LPCAT3: variants seen among roughly 807,000 people sequenced by gnomAD.
LPCAT3 encodes lysophosphatidylcholine acyltransferase 3, also known as lysophospholipid acyltransferase 5.
A neutral mutation model predicts 63.4 loss-of-function variants in LPCAT3; 21 were observed. The ratio of observed to expected loss-of-function variants is 0.33; its 90% confidence interval spans 0.23 to 0.48. The LOEUF (loss-of-function observed/expected upper bound fraction) is 0.48. Among genes scored for constraint, LPCAT3 ranks in the 20% least tolerant of loss-of-function variants. LPCAT3 has a pLI of 0.99. For missense variants in LPCAT3, 451 were observed against 590.6 expected, an observed-to-expected ratio of 0.76 and a Z score of 2.45; for synonymous variants, 242 against 227.5, an observed-to-expected ratio of 1.06 and a Z score of -0.58.
intron 1 of LPCAT3, among the ~76,000 whole-genome samples, chr12:6,996,142 C>CA (rs146656674): frequency 0.044 from 6,678 of 152,284 alleles, 215 homozygotes; most frequent in Non-Finnish European, 0.065. Context: ...ACTCATCTCT[C>CA]AATCTGGCCT....
At chr12:7,004,904 G>A (rs2138356253) in intron 1 of LPCAT3, among the ~76,000 whole-genome samples, 1 of 152,166 alleles carries the variant, frequency 6.6e-6, no homozygotes, top group East Asian at 1.9e-4. Flanking sequence ...ATCCCTACTT[G>A]AGCACAAAGC....
chr12:7,002,859 G>A (rs1946698390), intron 1 of LPCAT3, among the ~76,000 whole-genome samples: 1 of 151,992 alleles, frequency 6.6e-6, no homozygotes, highest in African/African-American at 2.4e-5. Flanking sequence ...AAATACAAAA[G>A]TTAGCTGGGC....
chr12:7,005,869 T>C (rs782732196), intron 1 of LPCAT3, among the ~76,000 whole-genome samples: 1 of 152,318 alleles, frequency 6.6e-6, no homozygotes, highest in East Asian at 1.9e-4. Flanking sequence ...GGGATAGCTT[T>C]TTACTTTCTT....
intron 1 of LPCAT3, among the ~76,000 whole-genome samples, chr12:7,008,259 G>T (rs1431119148): frequency 6.6e-6 from 1 of 151,958 alleles, no homozygotes; most frequent in Non-Finnish European, 1.5e-5. Flanking sequence ...AGCTTTAAAG[G>T]TCTCTAGGAA....
In LPCAT3 at chr12:6,977,941, C is replaced by T. The variant is rs746615563; in HGVS notation, c.1041-196G>A. 5.3e-4 allele frequency: 331 copies of T among 619,898 alleles called. 1 individual carries two copies. Among genetic ancestry groups the T allele is most frequent in the Non-Finnish European group, 7.8e-4 (282 of 360,470 alleles). The allele number at this position is 619,898 out of a possible 1,614,324, so 38.4% of individuals were successfully genotyped here. ...GCAGACCCAAGGCGGAGCTGGAGAC[C>T]GTGTGCGCACGAGCCACTTGGTTCA... On this transcript the variant is annotated intron_variant, in intron 9 of 12. Coordinates refer to ENST00000261407, the MANE Select transcript of LPCAT3 (RefSeq NM_005768.6). The surrounding 1 kb of genome is among the most constrained non-coding windows in gnomAD (Gnocchi z 4.5).
In LPCAT3 at chr12:6,977,905, A is replaced by G; in HGVS notation, c.1041-160T>C. 1.2e-6 allele frequency: 1 copy of G among 811,224 alleles called. No individual in the cohort carries two copies. Among genetic ancestry groups the G allele is most frequent in the Non-Finnish European group, 1.9e-6 (1 of 515,560 alleles). The allele number at this position is 811,224 out of a possible 1,614,324, so 50.3% of individuals were successfully genotyped here. On this transcript the variant is annotated intron_variant, in intron 9 of 12. Coordinates refer to ENST00000261407, the MANE Select transcript of LPCAT3 (RefSeq NM_005768.6). The surrounding 1 kb of genome is among the most constrained non-coding windows in gnomAD (Gnocchi z 4.5). The stretch of plus-strand genomic sequence containing the variant: ...GAGGCAGTGCTGACTGATTACTTTT[A>G]GAGATGGAAAGCAGACCCAAGGCGG...
chr12:7,008,624 C>T (rs1251505974), intron 1 of LPCAT3, among the ~76,000 whole-genome samples: 1 of 152,022 alleles, frequency 6.6e-6, no homozygotes. Flanking sequence ...TGGTGGCTCA[C>T]GCCTGTAATC....
chr12:6,977,852 T>TC lies in LPCAT3; in HGVS notation c.1041-108dup. On this transcript the variant is annotated intron_variant, in intron 9 of 12. Transcript: ENST00000261407. This position sits in a 1 kb window ranked among gnomAD's most constrained non-coding sequence, Gnocchi z 4.5. ...GGATTGGATTGGAGTGCTGGTGGGTTCCCACGTGTAGCCCCCAGAGGGTAC... is the reference window on the plus strand; with the variant it reads ...GGATTGGATTGGAGTGCTGGTGGGTTCCCCACGTGTAGCCCCCAGAGGGTAC... The TC allele has an allele frequency of 7.4e-7, 1 of 1,350,736 alleles. No individual in the cohort carries two copies. The allele number at this position is 1,350,736 out of a possible 1,614,324, so 83.7% of individuals were successfully genotyped here.
At chr12:6,995,428 C>A (rs1162329196) in intron 1 of LPCAT3, among the ~76,000 whole-genome samples, 1 of 151,248 alleles carries the variant, frequency 6.6e-6, no homozygotes, top group African/African-American at 2.4e-5. Context: ...GAGCTGAGAT[C>A]GTCTCACTGT....
At chr12:7,002,160 C>T (rs1565604635) in intron 1 of LPCAT3, among the ~76,000 whole-genome samples, 1 of 152,108 alleles carries the variant, frequency 6.6e-6, no homozygotes, top group East Asian at 1.9e-4. Flanking sequence ...TCTTCTCAGG[C>T]GTCCGATTCC....
rs1466758381 is a variant in LPCAT3 at position 7,017,811 on chromosome 12, A to G, written c.151+463T>C. On this transcript the variant is annotated intron_variant, in intron 1 of 12. Transcript: ENST00000261407. The surrounding 1 kb of genome is among the most constrained non-coding windows in gnomAD (Gnocchi z 4.1). ...AATATAAGCTGGCAATAAGCAAAACAGGCGCTCAGAATATGAAATATGGAA... is the reference window on the plus strand; with the variant it reads ...AATATAAGCTGGCAATAAGCAAAACGGGCGCTCAGAATATGAAATATGGAA... Among the ~76,000 whole-genome samples the G allele has an allele frequency of 1.3e-5, 2 of 152,252 alleles. No homozygotes were observed. The highest frequency in any genetic ancestry group is 4.8e-5 in the African/African-American group (2 of 41,466).
At chr12:6,990,875 C>T (rs1946582875) in intron 1 of LPCAT3, among the ~76,000 whole-genome samples, 1 of 145,690 alleles carries the variant, frequency 6.9e-6, no homozygotes, top group African/African-American at 2.6e-5. Context: ...TGAGATCACG[C>T]CACTGTGCTC....
chr12:7,006,086 C>T (rs1946723048), intron 1 of LPCAT3, among the ~76,000 whole-genome samples: 1 of 152,148 alleles, frequency 6.6e-6, no homozygotes, highest in South Asian at 2.1e-4. Flanking sequence ...TCTGGAGCTT[C>T]TGTTGAGACG....
At chr12:6,986,974 C>T (rs1189138883) in intron 1 of LPCAT3, among the ~76,000 whole-genome samples, 12 of 151,720 alleles carry the variant, frequency 7.9e-5, no homozygotes, top group African/African-American at 1.9e-4. Flanking sequence ...ATTAGTTAGG[C>T]GTGGTGCAGG....
rs1946492130 is a variant in LPCAT3 at position 6,983,518 on chromosome 12, TAAAAC to T, written c.168_172del (p.Phe57SerfsTer27). On this transcript the variant is annotated frameshift_variant, in exon 2 of 13. Coordinates refer to ENST00000261407, the MANE Select transcript of LPCAT3 (RefSeq NM_005768.6). LOFTEE classifies it high-confidence loss of function. The stretch of plus-strand genomic sequence containing the variant: ...CTCCTTGTAGAAAAGGTAATGCCGA[TAAAAC>T]AAAGCAAAGGGGTAACCTAGATGGG... 6.2e-7 allele frequency: 1 copy of T among 1,610,874 alleles called. No homozygotes were observed. The highest frequency in any genetic ancestry group is 8.5e-7 in the Non-Finnish European group (1 of 1,177,350).
rs1946425295 is a variant in LPCAT3 at position 6,977,819 on chromosome 12, C to T, written c.1041-74G>A. The T allele has an allele frequency of 1.3e-6, 2 of 1,558,044 alleles. No individual in the cohort carries two copies. Among genetic ancestry groups the T allele is most frequent in the African/African-American group, 1.4e-5 (1 of 73,876 alleles). Reference sequence around the variant, plus strand: ...ATCCCGCCACCTGCCTCTGGGTCCTCACCCTGAGGATTGGATTGGAGTGCT... The same window carrying T: ...ATCCCGCCACCTGCCTCTGGGTCCTTACCCTGAGGATTGGATTGGAGTGCT... On this transcript the variant is annotated intron_variant, in intron 9 of 12. Transcript: ENST00000261407. This position sits in a 1 kb window ranked among gnomAD's most constrained non-coding sequence, Gnocchi z 4.5.
intron 1 of LPCAT3, among the ~76,000 whole-genome samples, chr12:6,993,401 T>G (rs1376652389): frequency 6.6e-6 from 1 of 150,782 alleles, no homozygotes; most frequent in Non-Finnish European, 1.5e-5. Flanking sequence ...GCCACTGCAC[T>G]CCAGCCTGGC....
At position 7,012,104 on chromosome 12, in the gene LPCAT3, C is replaced by A. The variant is rs111843900; in HGVS notation, c.151+6170G>T. Reference sequence around the variant, plus strand: ...TGAACCTCTGAGGGATGAATTGTTACCCCCAGCTGCAATTTTTGATCAGTC... The same window carrying A: ...TGAACCTCTGAGGGATGAATTGTTAACCCCAGCTGCAATTTTTGATCAGTC... On this transcript the variant is annotated intron_variant, in intron 1 of 12. Transcript: ENST00000261407. Among the ~76,000 whole-genome samples, 354 of 152,262 alleles carry A rather than the reference C, an allele frequency of 2.3e-3. 3 individuals carry two copies. The highest frequency in any genetic ancestry group is 8.0e-3 in the African/African-American group (332 of 41,548).
intron 1 of LPCAT3, among the ~76,000 whole-genome samples, chr12:7,012,617 T>A (rs1172141384): frequency 6.6e-6 from 1 of 152,204 alleles, no homozygotes; most frequent in Non-Finnish European, 1.5e-5. Flanking sequence ...TGTATAACCT[T>A]TTCCATGGCA....
Sources: allele counts gnomAD v4.1 joint callset (sites outside exome capture counted in the v4.1 genomes callset), GRCh38; gene constraint gnomAD v4.1.1; non-coding constraint Gnocchi (gnomAD v3.1); transcripts MANE v1.5; gene names NCBI Gene and HGNC (gene_info 2026-07-23, HGNC 2026-07-21).